The following RAB32 variants were observed in gnomAD, a reference collection of about 807,000 sequenced individuals.
The protein encoded by RAB32 is RAB32, member RAS oncogene family.
In RAB32, 17 loss-of-function variants were observed where a neutral mutation model predicts 17.5. That is an observed-to-expected ratio of 0.97 (90% CI 0.67 to 1.46). The LOEUF is 1.46. Ranked by LOEUF, RAB32 falls within the 40% of genes most tolerant of loss-of-function variation. The pLI is 0.00. For missense variants in RAB32, 288 were observed against 284.3 expected, an observed-to-expected ratio of 1.01 and a Z score of -0.09; for synonymous variants, 115 against 111.1, an observed-to-expected ratio of 1.04 and a Z score of -0.22.
intron 1 of RAB32, among the ~76,000 whole-genome samples, chr6:146,548,367 T>G (rs185691309): frequency 6.6e-6 from 1 of 152,296 alleles, no homozygotes; most frequent in East Asian, 1.9e-4. Context: ...GAAGGAAGAA[T>G]TTTATATTTT....
Position 146,554,479 on chromosome 6 carries a change from T to G in RAB32, c.552T>G (p.Ala184=). The change falls in exon 3 of 3, where the codon GCT becomes GCG. Residue 184 remains alanine, a synonymous_variant. Coordinates refer to ENST00000367495, the MANE Select transcript of RAB32 (RefSeq NM_006834.5). The part of the protein sequence containing the change: ...SAKDNINIEE[A]ARFLVEKILV... The stretch of plus-strand genomic sequence containing the variant: ...AGGATAACATAAACATAGAGGAAGC[T>G]GCCCGGTTCCTAGTGGAGAAGATTC... 6.2e-7 allele frequency: 1 copy of G among 1,611,246 alleles called. No individual in the cohort carries two copies. Among genetic ancestry groups the G allele is most frequent in the Non-Finnish European group, 8.5e-7 (1 of 1,179,118 alleles).
At chr6:146,548,921 C>T (rs1779859723) in intron 1 of RAB32, among the ~76,000 whole-genome samples, 1 of 152,184 alleles carries the variant, frequency 6.6e-6, no homozygotes, top group Non-Finnish European at 1.5e-5. Flanking sequence ...CATGTATCTA[C>T]TACTTACAGG....
At chr6:146,551,354 A>G (rs1428026078) in intron 2 of RAB32, among the ~76,000 whole-genome samples, 4 of 152,182 alleles carry the variant, frequency 2.6e-5, no homozygotes, top group African/African-American at 9.7e-5. Context: ...TCTCCCAAGA[A>G]GCTAGGACCA....
intron 1 of RAB32, among the ~76,000 whole-genome samples, chr6:146,547,290 A>C (rs1227807656): frequency 6.6e-6 from 1 of 152,124 alleles, no homozygotes; most frequent in East Asian, 1.9e-4. Flanking sequence ...GCAAATTGAA[A>C]GACTGGTCTA....
chr6:146,551,408 A>G (rs1442393646), intron 2 of RAB32, among the ~76,000 whole-genome samples: 1 of 152,078 alleles, frequency 6.6e-6, no homozygotes, highest in African/African-American at 2.4e-5. Flanking sequence ...CATTTTTAGT[A>G]GAGACAGAAT....
At chr6:146,548,735 C>T (rs182247531) in intron 1 of RAB32, among the ~76,000 whole-genome samples, 5,923 of 152,236 alleles carry the variant, frequency 0.039, 395 homozygotes, top group African/African-American at 0.13. Context: ...AAGATTAGTA[C>T]AATAGCAGAT....
intron 1 of RAB32, among the ~76,000 whole-genome samples, chr6:146,548,421 G>A (rs1236104088): frequency 6.6e-6 from 1 of 152,214 alleles, no homozygotes; most frequent in Non-Finnish European, 1.5e-5. Flanking sequence ...TCAATAAAAT[G>A]TAGATAAAGC....
At chr6:146,552,926 C>A (rs2114787366) in intron 2 of RAB32, among the ~76,000 whole-genome samples, 1 of 152,224 alleles carries the variant, frequency 6.6e-6, no homozygotes, top group South Asian at 2.1e-4. Context: ...CATACAAGCT[C>A]CAAACATGTA....
chr6:146,548,158 G>A (rs1352684032), intron 1 of RAB32, among the ~76,000 whole-genome samples: 1 of 151,976 alleles, frequency 6.6e-6, no homozygotes, highest in African/African-American at 2.4e-5. Flanking sequence ...GAGCATAATA[G>A]TAGGGTTTCA....
chr6:146,549,930 A>C (rs1779875437), intron 2 of RAB32, among the ~76,000 whole-genome samples, 189 bp downstream of exon 2: 1 of 152,216 alleles, frequency 6.6e-6, no homozygotes, highest in South Asian at 2.1e-4. Flanking sequence ...AATGGCTAAT[A>C]GAAGGGCAGA....
chr6:146,548,029 A>G (rs1779845507), intron 1 of RAB32, among the ~76,000 whole-genome samples: 1 of 152,198 alleles, frequency 6.6e-6, no homozygotes, highest in African/African-American at 2.4e-5. Context: ...TTCAATGCAT[A>G]TAGTCTTTCT....
At chr6:146,549,303 G>T (rs1373184979) in intron 1 of RAB32, among the ~76,000 whole-genome samples, 161 bp from the exon 2 acceptor site, 1 of 152,108 alleles carries the variant, frequency 6.6e-6, no homozygotes, top group African/African-American at 2.4e-5. Context: ...CTGCTCTATG[G>T]GTCATGGTCT....
rs374801392 is a variant in RAB32 at position 146,543,944 on chromosome 6, C to G, written c.73C>G (p.Leu25Val). ...AAPAPETREHLFKVLVIGELG... is the reference protein window; with the variant it reads ...AAPAPETREHVFKVLVIGELG... ...CCCAGCGCCCGAGACCCGCGAGCAC[C>G]TCTTCAAGGTGCTGGTGATCGGCGA... Residue 25 changes from leucine (L) to valine (V), a missense_variant, in exon 1 of 3, where the codon CTC becomes GTC. By Grantham distance (32) the Leu-to-Val change is conservative. Coordinates refer to ENST00000367495, the MANE Select transcript of RAB32 (RefSeq NM_006834.5). 6.2e-7 allele frequency: 1 copy of G among 1,612,112 alleles called. No homozygotes were observed. The highest frequency in any genetic ancestry group is 8.5e-7 in the Non-Finnish European group (1 of 1,179,338).
At chr6:146,549,367 T>G (rs550458184) in intron 1 of RAB32, 97 bp from the exon 2 acceptor site, 1 of 943,530 alleles carries the variant, frequency 1.1e-6, no homozygotes, top group African/African-American at 1.7e-5. Flanking sequence ...GGAAGACATT[T>G]GTTCATAGTG....
At chr6:146,553,061 TTTTA>T (rs1247705097) in intron 2 of RAB32, among the ~76,000 whole-genome samples, 1 of 152,218 alleles carries the variant, frequency 6.6e-6, no homozygotes, top group Non-Finnish European at 1.5e-5. Flanking sequence ...CTCTTTCTTT[TTTTA>T]TTTTTATTTT....
In RAB32 at chr6:146,554,575, G is replaced by GT; in HGVS notation, c.648_649insT (p.Arg217Ter). On this transcript the variant is annotated frameshift_variant, in exon 3 of 3. Transcript: ENST00000367495. LOFTEE classifies it high-confidence loss of function. ...AAATTAAGCTAGATCAAGAGACCTT[G>GT]AGAGCAGAGAACAAATCCCAGTGTT... 6.2e-7 allele frequency: 1 copy of GT among 1,613,586 alleles called. No individual in the cohort carries two copies.
chr6:146,551,294 G>A (rs552154913), intron 2 of RAB32, among the ~76,000 whole-genome samples: 5 of 152,276 alleles, frequency 3.3e-5, no homozygotes, highest in East Asian at 3.9e-4. Context: ...AATCTGACAC[G>A]AAGGAGAAAA....
intron 2 of RAB32, among the ~76,000 whole-genome samples, chr6:146,553,497 C>T (rs1225478853): frequency 5.3e-5 from 8 of 152,020 alleles, no homozygotes; most frequent in South Asian, 2.1e-4. Flanking sequence ...GTATATTCAC[C>T]GGCCAGTGCT....
At chr6:146,550,731 G>C (rs983338471) in intron 2 of RAB32, among the ~76,000 whole-genome samples, 1 of 147,210 alleles carries the variant, frequency 6.8e-6, no homozygotes, top group Non-Finnish European at 1.5e-5. Flanking sequence ...GTTTGGGGGG[G>C]GGGTTACGTG....
Sources: gnomAD v4.1 joint callset for allele counts (sites outside exome capture counted in the v4.1 genomes callset) on GRCh38, gnomAD v4.1.1 for gene constraint, MANE v1.5 for transcripts, NCBI Gene and HGNC (gene_info 2026-07-23, HGNC 2026-07-21) for gene names.